Variants in AKAP6 observed in about 807,000 individuals in gnomAD.
AKAP6 encodes A-kinase anchoring protein 6.
AKAP6 carries 58 observed loss-of-function variants against 188.5 expected under a neutral mutation model. The observed-to-expected ratio is 0.31, with a 90% CI of 0.25 to 0.38. The LOEUF (loss-of-function observed/expected upper bound fraction) is 0.38, where lower values mean the gene tolerates loss of function less well. AKAP6 is among the 10% of genes least tolerant of loss of function. The probability of loss-of-function intolerance (pLI) is 1.00; values close to 1 mark genes in which losing one functional copy is unlikely to be tolerated. For synonymous variants in AKAP6, 989 were observed against 998.6 expected (o/e 0.99, Z 0.18); for missense variants, 2,710 against 2,740.0 (o/e 0.99, Z 0.24).
intron 12 of AKAP6, among the ~76,000 whole-genome samples, chr14:32,804,098 G>T (rs762859905): frequency 6.6e-6 from 1 of 152,160 alleles, no homozygotes; most frequent in Non-Finnish European, 1.5e-5. Context: ...AAAGTGCTTA[G>T]GATATTGCTT....
At chr14:32,500,558 C>T (rs1033227050) in intron 2 of AKAP6, among the ~76,000 whole-genome samples, 2 of 152,092 alleles carry the variant, frequency 1.3e-5, no homozygotes, top group Non-Finnish European at 2.9e-5. Flanking sequence ...TGTGTTCATG[C>T]AGCATATCTA....
intron 2 of AKAP6, among the ~76,000 whole-genome samples, chr14:32,510,085 G>A (rs1881099094): frequency 6.6e-6 from 1 of 151,980 alleles, no homozygotes; most frequent in Non-Finnish European, 1.5e-5. Flanking sequence ...TGTGGGCGGA[G>A]CGCTTAAAGG....
chr14:32,557,606 G>T (rs1883746931), intron 4 of AKAP6, among the ~76,000 whole-genome samples: 1 of 152,146 alleles, frequency 6.6e-6, no homozygotes, highest in African/African-American at 2.4e-5. Flanking sequence ...TGTTGATGGA[G>T]TGGTAGTGTG....
At chr14:32,488,817 T>C (rs1007073683) in intron 2 of AKAP6, among the ~76,000 whole-genome samples, 1 of 152,124 alleles carries the variant, frequency 6.6e-6, no homozygotes, top group Non-Finnish European at 1.5e-5. Context: ...CCACCCTGCT[T>C]CTGCTCCCCT....
At position 32,417,017 on chromosome 14, in the gene AKAP6, T is replaced by G. The variant is rs531597411; in HGVS notation, c.-34-16443T>G. Among the ~76,000 whole-genome samples, 33 of 152,222 alleles carry G rather than the reference T, an allele frequency of 2.2e-4. 1 individual carries two copies. The South Asian group carries it at 6.8e-3, about 32-fold the overall frequency. On this transcript the variant is annotated intron_variant, in intron 1 of 13. Transcript: ENST00000280979. ...CACTGCAACCAGATAATTTTTTGTATTTTTAGTAGAGGTGGAGTTTGACTG... is the reference window on the plus strand; with the variant it reads ...CACTGCAACCAGATAATTTTTTGTAGTTTTAGTAGAGGTGGAGTTTGACTG...
chr14:32,430,955 A>G (rs185634172), intron 1 of AKAP6, among the ~76,000 whole-genome samples: 22 of 152,156 alleles, frequency 1.4e-4, no homozygotes, highest in Admixed American at 3.3e-4. Context: ...AAAAAGTACA[A>G]TTAGCCAGGC....
intron 4 of AKAP6, among the ~76,000 whole-genome samples, chr14:32,565,354 C>G (rs1039892684): frequency 2.0e-5 from 3 of 152,192 alleles, no homozygotes; most frequent in African/African-American, 7.2e-5. Context: ...TTTCCTCTTT[C>G]AGGGAATGGT....
chr14:32,509,204 A>C (rs1330068061), intron 2 of AKAP6, among the ~76,000 whole-genome samples: 1 of 145,734 alleles, frequency 6.9e-6, no homozygotes, highest in Non-Finnish European at 1.5e-5. Flanking sequence ...GGCTCACTGC[A>C]ACCTCTGGCT....
chr14:32,732,366 G>T, intron 9 of AKAP6, 88 bp from the exon 10 acceptor site: 1 of 1,449,142 alleles, frequency 6.9e-7, no homozygotes, highest in South Asian at 1.4e-5. Flanking sequence ...AACTTTTAAT[G>T]CTCGTAAGCA....
chr14:32,556,113 C>T (rs1463524117), intron 4 of AKAP6, among the ~76,000 whole-genome samples: 2 of 152,110 alleles, frequency 1.3e-5, no homozygotes, highest in East Asian at 3.9e-4. Context: ...ATACTTGTTA[C>T]TTTCTAGGTT....
intron 12 of AKAP6, among the ~76,000 whole-genome samples, chr14:32,788,097 A>ACATGAAG (rs1229225081): frequency 6.6e-6 from 1 of 151,978 alleles, no homozygotes; most frequent in African/African-American, 2.4e-5. Context: ...TTTAAATTAC[A>ACATGAAG]CATGAAGGGC....
intron 9 of AKAP6, among the ~76,000 whole-genome samples, chr14:32,723,382 G>A (rs1209440131): frequency 6.6e-6 from 1 of 151,934 alleles, no homozygotes; most frequent in African/African-American, 2.4e-5. Context: ...ACTCATTATG[G>A]CAGCATGTTT....
At chr14:32,516,225 G>A (rs1881516783) in intron 2 of AKAP6, among the ~76,000 whole-genome samples, 1 of 152,186 alleles carries the variant, frequency 6.6e-6, no homozygotes, top group Admixed American at 6.5e-5. Flanking sequence ...GCCTCTCAGG[G>A]TATGCCTTCT....
intron 12 of AKAP6, among the ~76,000 whole-genome samples, chr14:32,807,926 G>T (rs755187720): frequency 9.9e-5 from 15 of 152,158 alleles, no homozygotes; most frequent in Non-Finnish European, 1.9e-4. Context: ...AGAAAGAGTG[G>T]TCATAATAAC....
intron 1 of AKAP6, among the ~76,000 whole-genome samples, chr14:32,379,852 A>G (rs531538928): frequency 6.6e-6 from 1 of 152,232 alleles, no homozygotes; most frequent in Non-Finnish European, 1.5e-5. Flanking sequence ...TCTCCTCCCT[A>G]TCACTCCACC....
intron 2 of AKAP6, among the ~76,000 whole-genome samples, chr14:32,483,003 A>ATGTGTGTG (rs1415706046): frequency 6.5e-4 from 51 of 77,876 alleles, no homozygotes; most frequent in South Asian, 2.4e-3. Context: ...ATATATATAT[A>ATGTGTGTG]TATATATATG....
intron 2 of AKAP6, among the ~76,000 whole-genome samples, chr14:32,530,490 G>C (rs1882363134): frequency 6.6e-6 from 1 of 152,146 alleles, no homozygotes; most frequent in Non-Finnish European, 1.5e-5. Context: ...ATGGAGCCCT[G>C]GAGATTGGCA....
At chr14:32,689,781 T>G (rs1387871659) in intron 8 of AKAP6, among the ~76,000 whole-genome samples, 1 of 152,148 alleles carries the variant, frequency 6.6e-6, no homozygotes, top group African/African-American at 2.4e-5. Flanking sequence ...ATTATTAGTA[T>G]TTTACTTCAG....
Position 32,824,383 on chromosome 14 carries a change from A to T in AKAP6, c.6570A>T (p.Gln2190His). Residue 2190 changes from glutamine to histidine, a missense_variant, in exon 13 of 14, where the codon CAA becomes CAT. Gln to His is a conservative substitution (Grantham distance 24). This residue lies in a region of AKAP6 where 2,473 missense variants were observed against 2,426.1 expected (regional missense o/e 1.02). Transcript: ENST00000280979. ...AVPSEAAMPL[Q>H]ATACSSEFSD... ...CCAGCGAAGCTGCAATGCCACTACA[A>T]GCAACAGCATGTTCTTCTGAGTTCA... The T allele has an allele frequency of 6.2e-7, 1 of 1,613,950 alleles. No individual in the cohort carries two copies. The highest frequency in any genetic ancestry group is 8.5e-7 in the Non-Finnish European group (1 of 1,179,960).
Sources: allele counts gnomAD v4.1 joint callset (sites outside exome capture counted in the v4.1 genomes callset), GRCh38; gene constraint gnomAD v4.1.1; regional missense constraint gnomAD v4.1.1; transcripts MANE v1.5; gene names NCBI Gene and HGNC (gene_info 2026-07-23, HGNC 2026-07-21).